AIDA: variants seen among roughly 807,000 people sequenced by gnomAD.
The protein encoded by AIDA is axin interactor, dorsalization-associated protein.
Under a neutral mutation model 42.7 loss-of-function variants are expected in AIDA, and 18 were observed. The observed-to-expected ratio is 0.42, with a 90% CI of 0.29 to 0.63. The LOEUF is 0.63. Ranked by LOEUF, AIDA falls within the 20% of genes least tolerant of loss-of-function variation. AIDA has a pLI of 0.19. For synonymous variants in AIDA, 104 were observed against 122.9 expected, an observed-to-expected ratio of 0.85 and a Z score of 1.02; for missense variants, 250 against 354.1, an observed-to-expected ratio of 0.71 and a Z score of 2.36.
intron 2 of AIDA, among the ~76,000 whole-genome samples, chr1:222,699,260 TA>T (rs888214144): frequency 6.6e-6 from 1 of 152,188 alleles, no homozygotes; most frequent in African/African-American, 2.4e-5. Flanking sequence ...CAATTAAAAA[TA>T]AAAAACATAA....
At position 222,670,120 on chromosome 1, in the gene AIDA, G is replaced by A. The variant is rs765782068; in HGVS notation, c.824+13C>T. ...CATCAAATTAGTACTAATTCTATAT[G>A]CACATCACTTACAGTTCTATTACAA... On this transcript the variant is annotated intron_variant, in intron 9 of 9. Transcript: ENST00000340020. 1.9e-6 allele frequency: 3 copies of A among 1,609,762 alleles called. No homozygotes were observed. Among genetic ancestry groups the A allele is most frequent in the East Asian group, 4.5e-5 (2 of 44,842 alleles).
At chr1:222,710,017 C>T (rs556066736) in intron 1 of AIDA, among the ~76,000 whole-genome samples, 33 of 152,084 alleles carry the variant, frequency 2.2e-4, no homozygotes, top group South Asian at 1.7e-3. Context: ...GAAATCCCAA[C>T]GATCCTAGAC....
chr1:222,687,731 T>A, intron 4 of AIDA, 73 bp from the exon 5 acceptor site: 1 of 1,143,446 alleles, frequency 8.7e-7, no homozygotes, highest in Non-Finnish European at 1.2e-6. Flanking sequence ...AAATGATTAA[T>A]TTTTAATCAA....
intron 4 of AIDA, among the ~76,000 whole-genome samples, chr1:222,690,471 T>C (rs906011074): frequency 6.6e-6 from 1 of 152,166 alleles, no homozygotes; most frequent in African/African-American, 2.4e-5. Context: ...AGTGAATTCA[T>C]GGCATAAACT....
chr1:222,683,916 T>C, intron 6 of AIDA, among the ~76,000 whole-genome samples: 1 of 152,098 alleles, frequency 6.6e-6, no homozygotes, highest in East Asian at 1.9e-4. Context: ...TAAGCTTGAC[T>C]ACCTTTTTTT....
chr1:222,672,702 A>C (rs75451755), intron 8 of AIDA, among the ~76,000 whole-genome samples: 1 of 152,224 alleles, frequency 6.6e-6, no homozygotes, highest in African/African-American at 2.4e-5. Context: ...CAATCACTTC[A>C]AAAGGGACTT....
intron 2 of AIDA, among the ~76,000 whole-genome samples, chr1:222,695,038 G>A (rs898785363): frequency 2.6e-5 from 4 of 152,212 alleles, no homozygotes; most frequent in Non-Finnish European, 4.4e-5. Flanking sequence ...GTCTCAAACT[G>A]AAAGCAGGCA....
chr1:222,668,633 G>T lies in AIDA; in HGVS notation c.*1260C>A, dbSNP rs1233988185. On this transcript the variant is annotated 3_prime_UTR_variant, in exon 10 of 10. Transcript: ENST00000340020. The stretch of plus-strand genomic sequence containing the variant: ...TTTTAAAAAGCAAACATACTGAATG[G>T]TATGACTAGGGTGATTACACTAGTT... 3.5e-5 allele frequency: 3 copies of T among 84,710 alleles called. No individual in the cohort carries two copies. The highest frequency in any genetic ancestry group is 7.0e-5 in the Non-Finnish European group (3 of 43,152). 5.2% of individuals were successfully genotyped at this position (84,710 alleles called of 1,614,324 possible).
intron 6 of AIDA, among the ~76,000 whole-genome samples, chr1:222,679,689 G>A (rs753658416): frequency 5.8e-4 from 89 of 152,270 alleles, no homozygotes; most frequent in African/African-American, 2.0e-3. Context: ...AGTTTGGCAC[G>A]GGATTCCATG....
intron 1 of AIDA, among the ~76,000 whole-genome samples, chr1:222,710,262 T>C (rs538512254): frequency 2.6e-5 from 4 of 152,212 alleles, no homozygotes; most frequent in Non-Finnish European, 5.9e-5. Context: ...TCATTACATG[T>C]TTTCACTGAA....
rs1214921051 is a variant in AIDA, at chr1:222,707,153, T to TTTTG, written c.111-3937_111-3936insCAAA. On this transcript the variant is annotated intron_variant, in intron 1 of 9. Coordinates refer to ENST00000340020, the MANE Select transcript of AIDA (RefSeq NM_022831.4). ...AATTATACCTCAATAAAGTTGTCTG[T>TTTTG]AAAATAACTTTTTTTTTGAGACAGG... 6.6e-5 allele frequency among the ~76,000 whole-genome samples: 10 copies of TTTTG among 152,190 alleles called. No homozygotes were observed. The South Asian group carries it at 1.9e-3, about 28-fold the overall frequency.
chr1:222,694,243 T>C lies in AIDA; in HGVS notation c.201A>G (p.Ala67=). The part of the protein sequence containing the change: ...EEQKKTIGKI[A]TCLELRSAAL... The stretch of plus-strand genomic sequence containing the variant: ...CTGCACTTCGCAATTCCAAGCATGT[T>C]GCAATTTTGCCTATGGTTTTCTGCA... Residue 67 remains alanine, a synonymous_variant, in exon 3 of 10, where the codon GCA becomes GCG. Transcript: ENST00000340020. 6.2e-7 allele frequency: 1 copy of C among 1,612,298 alleles called. No individual in the cohort carries two copies. Among genetic ancestry groups the C allele is most frequent in the Non-Finnish European group, 8.5e-7 (1 of 1,179,342 alleles).
intron 6 of AIDA, among the ~76,000 whole-genome samples, chr1:222,685,264 G>C (rs1468911635): frequency 6.6e-6 from 1 of 152,104 alleles, no homozygotes; most frequent in Non-Finnish European, 1.5e-5. Flanking sequence ...TTTATACTTA[G>C]TATCTTGTTA....
chr1:222,679,820 T>G (rs1165885999), intron 6 of AIDA, among the ~76,000 whole-genome samples: 4 of 152,232 alleles, frequency 2.6e-5, no homozygotes. Flanking sequence ...AAGTCTCTGT[T>G]GCCGTGTAAT....
At chr1:222,703,667 C>A (rs538549550) in intron 1 of AIDA, among the ~76,000 whole-genome samples, 2 of 152,264 alleles carry the variant, frequency 1.3e-5, no homozygotes, top group Non-Finnish European at 2.9e-5. Flanking sequence ...ACAGCAATGA[C>A]AAAGTGGTAA....
chr1:222,694,797 G>A (rs1450893095), intron 2 of AIDA, among the ~76,000 whole-genome samples: 3 of 152,148 alleles, frequency 2.0e-5, no homozygotes, highest in African/African-American at 7.2e-5. Flanking sequence ...TAATGATAGG[G>A]CATAGATAGT....
At chr1:222,674,409 T>C (rs189140971) in intron 7 of AIDA, among the ~76,000 whole-genome samples, 171 of 152,308 alleles carry the variant, frequency 1.1e-3, no homozygotes, top group African/African-American at 4.0e-3. Flanking sequence ...TATATTTTTG[T>C]CTGCAATAAA....
rs545345629 is a variant in AIDA at position 222,699,310 on chromosome 1, C to T, written c.180+3838G>A. The stretch of plus-strand genomic sequence containing the variant: ...TTAGCATAATGTAAAGAACATTTTC[C>T]ATTTTCCTCTTTTGAAGAAAACACA... On this transcript the variant is annotated intron_variant, in intron 2 of 9. Coordinates refer to ENST00000340020, the MANE Select transcript of AIDA (RefSeq NM_022831.4). 8.3e-4 allele frequency among the ~76,000 whole-genome samples: 126 copies of T among 152,204 alleles called. 2 individuals carry two copies. The highest frequency in any genetic ancestry group is 6.4e-3 in the South Asian group (31 of 4,822).
At chr1:222,682,696 C>T (rs1664674890) in intron 6 of AIDA, among the ~76,000 whole-genome samples, 1 of 152,000 alleles carries the variant, frequency 6.6e-6, no homozygotes, top group Non-Finnish European at 1.5e-5. Context: ...TCTCAGTCAT[C>T]CAAATTTTTT....
Sources: allele counts gnomAD v4.1 joint callset (sites outside exome capture counted in the v4.1 genomes callset), GRCh38; gene constraint gnomAD v4.1.1; transcripts MANE v1.5; gene names NCBI Gene and HGNC (gene_info 2026-07-23, HGNC 2026-07-21).